Variants in ARHGAP44 observed in about 807,000 individuals in gnomAD.
ARHGAP44 encodes Rho GTPase activating protein 44, also known as rho GTPase-activating protein 44.
Under a neutral mutation model 106.8 loss-of-function variants are expected in ARHGAP44, and 43 were observed. The ratio of observed to expected loss-of-function variants is 0.40; its 90% confidence interval spans 0.32 to 0.52. The LOEUF is 0.52. Among genes scored for constraint, ARHGAP44 ranks in the 20% least tolerant of loss-of-function variants. The pLI, the probability that ARHGAP44 is intolerant of heterozygous loss-of-function variation, is 0.48. For synonymous variants in ARHGAP44, 439 were observed against 410.3 expected (o/e 1.07, Z -0.85); for missense variants, 866 against 1,050.5 (o/e 0.82, Z 2.43).
chr17:12,875,900 C>T (rs938927608), intron 1 of ARHGAP44, among the ~76,000 whole-genome samples: 7 of 151,832 alleles, frequency 4.6e-5, no homozygotes, highest in African/African-American at 9.7e-5. Context: ...GCTGAGATGG[C>T]GTCATCGCAC....
At chr17:12,883,420 C>A (rs1040933229) in intron 1 of ARHGAP44, among the ~76,000 whole-genome samples, 2 of 150,864 alleles carry the variant, frequency 1.3e-5, no homozygotes, top group African/African-American at 4.9e-5. Flanking sequence ...GAAGTTTATT[C>A]TGTTTACTTC....
chr17:12,979,159 ATT>A (rs1272735061), intron 18 of ARHGAP44, among the ~76,000 whole-genome samples: 2 of 152,198 alleles, frequency 1.3e-5, no homozygotes, highest in Non-Finnish European at 2.9e-5. Context: ...CACCTGGAGA[ATT>A]TTCTTGGAAA....
intron 7 of ARHGAP44, among the ~76,000 whole-genome samples, chr17:12,936,140 A>G (rs1286047816): frequency 1.3e-5 from 2 of 152,158 alleles, no homozygotes; most frequent in Non-Finnish European, 2.9e-5. Flanking sequence ...ACCTCCCCCA[A>G]TGTCAACATC....
chr17:12,802,925 A>ATT (rs1297172413), intron 1 of ARHGAP44, among the ~76,000 whole-genome samples: 2 of 27,418 alleles, frequency 7.3e-5, no homozygotes, highest in Admixed American at 1.4e-3. Context: ...TACCTGGCTA[A>ATT]TTTATATATA....
At chr17:12,813,923 C>T (rs1231082830) in intron 1 of ARHGAP44, among the ~76,000 whole-genome samples, 1 of 152,202 alleles carries the variant, frequency 6.6e-6, no homozygotes, top group African/African-American at 2.4e-5. Context: ...CGTCGTGACT[C>T]ATTGCCCCCT....
At chr17:12,838,271 ATACATT>A (rs2035294020) in intron 1 of ARHGAP44, among the ~76,000 whole-genome samples, 1 of 152,254 alleles carries the variant, frequency 6.6e-6, no homozygotes, top group Non-Finnish European at 1.5e-5. Context: ...TAGGATACAT[ATACATT>A]TACATTTGTG....
chr17:12,926,492 AAT>A (rs1456931283), intron 6 of ARHGAP44, among the ~76,000 whole-genome samples: 3 of 143,642 alleles, frequency 2.1e-5, no homozygotes, highest in Non-Finnish European at 4.6e-5. Flanking sequence ...ATGTATGTAT[AAT>A]ATATGTATAT....
intron 16 of ARHGAP44, among the ~76,000 whole-genome samples, chr17:12,966,313 A>G (rs1277133637): frequency 1.3e-5 from 2 of 152,056 alleles, no homozygotes; most frequent in Non-Finnish European, 2.9e-5. Context: ...AGGGTTGTCT[A>G]CATGGAGAGG....
intron 1 of ARHGAP44, among the ~76,000 whole-genome samples, chr17:12,851,689 C>T (rs547098536): frequency 6.6e-6 from 1 of 152,232 alleles, no homozygotes; most frequent in South Asian, 2.1e-4. Context: ...CCTGCCTCGG[C>T]CTCCCAAAGT....
chr17:12,818,434 C>T (rs982201096), intron 1 of ARHGAP44, among the ~76,000 whole-genome samples: 5 of 151,266 alleles, frequency 3.3e-5, no homozygotes, highest in African/African-American at 4.9e-5. Context: ...CAGGGATGTT[C>T]GCTTTCATTT....
At chr17:12,868,630 T>C (rs1051495350) in intron 1 of ARHGAP44, among the ~76,000 whole-genome samples, 43 of 136,292 alleles carry the variant, frequency 3.2e-4, no homozygotes, top group African/African-American at 1.2e-3. Context: ...TATATATATA[T>C]ATGAAATGTG....
intron 16 of ARHGAP44, among the ~76,000 whole-genome samples, chr17:12,969,254 A>T (rs2039468334): frequency 6.6e-6 from 1 of 151,768 alleles, no homozygotes; most frequent in African/African-American, 2.4e-5. Context: ...TCCCCCCTTT[A>T]TCAACATATT....
At chr17:12,935,715 G>C (rs959323613) in intron 7 of ARHGAP44, among the ~76,000 whole-genome samples, 1 of 152,132 alleles carries the variant, frequency 6.6e-6, no homozygotes, top group Non-Finnish European at 1.5e-5. Flanking sequence ...GTATGGAATC[G>C]ATTTTAGTAA....
chr17:12,985,131 C>G (rs996653934), intron 20 of ARHGAP44: 1 of 548,314 alleles, frequency 1.8e-6, no homozygotes, highest in Non-Finnish European at 3.1e-6. Context: ...GGATCTCTCT[C>G]GGTCTAAGCC....
At chr17:12,845,466 C>T (rs1454455707) in intron 1 of ARHGAP44, among the ~76,000 whole-genome samples, 1 of 148,236 alleles carries the variant, frequency 6.7e-6, no homozygotes, top group Non-Finnish European at 1.5e-5. Flanking sequence ...CGAGATCGCG[C>T]CATTGCACTC....
chr17:12,898,084 A>G (rs1231095339), intron 3 of ARHGAP44, among the ~76,000 whole-genome samples: 2 of 152,152 alleles, frequency 1.3e-5, no homozygotes, highest in African/African-American at 4.8e-5. Context: ...GACAGGCCAC[A>G]TCACCCAGAG....
At chr17:12,939,588 CCAGAGTAGCTGGGA>C (rs956143090) in intron 7 of ARHGAP44, among the ~76,000 whole-genome samples, 7 of 152,170 alleles carry the variant, frequency 4.6e-5, no homozygotes, top group Admixed American at 3.9e-4. Context: ...GCTTCAGCCT[CCAGAGTAGCTGGGA>C]CTACAGGCGC....
At chr17:12,911,030 T>A in intron 4 of ARHGAP44, among the ~76,000 whole-genome samples, 2 of 116,238 alleles carry the variant, frequency 1.7e-5, no homozygotes, top group African/African-American at 3.5e-5. Context: ...TGGAAGGGAC[T>A]ACAAGAGAAA....
intron 4 of ARHGAP44, among the ~76,000 whole-genome samples, chr17:12,913,359 A>G (rs1342937098): frequency 6.6e-6 from 1 of 152,146 alleles, no homozygotes; most frequent in Non-Finnish European, 1.5e-5. Flanking sequence ...AAAACAAGGC[A>G]ATTATTAACT....
Sources: gnomAD v4.1 joint callset for allele counts (sites outside exome capture counted in the v4.1 genomes callset) on GRCh38, gnomAD v4.1.1 for gene constraint, MANE v1.5 for transcripts, NCBI Gene and HGNC (gene_info 2026-07-23, HGNC 2026-07-21) for gene names.